The following WDR72 variants were observed in gnomAD, a reference collection of about 807,000 sequenced individuals.
WDR72 encodes WD repeat-containing protein 72.
WDR72 carries 120 observed loss-of-function variants against 124.2 expected under a neutral mutation model. That is an observed-to-expected ratio of 0.97 (90% CI 0.83 to 1.12). WDR72 has a LOEUF of 1.12. Ranked by LOEUF, WDR72 falls within the 50% of genes most tolerant of loss-of-function variation. The pLI is 0.00. For synonymous variants in WDR72, 452 were observed against 441.7 expected, an observed-to-expected ratio of 1.02 and a Z score of -0.29; for missense variants, 1,387 against 1,278.8, an observed-to-expected ratio of 1.08 and a Z score of -1.29.
intron 19 of WDR72, among the ~76,000 whole-genome samples, chr15:53,521,107 T>TAAC (rs2308015): frequency 0.015 from 2,220 of 152,234 alleles, 47 homozygotes; most frequent in African/African-American, 0.051. Context: ...GACAAGTGAC[T>TAAC]AACAAGTTTC....
intron 1 of WDR72, among the ~76,000 whole-genome samples, chr15:53,754,638 C>T (rs1034107552): frequency 1.3e-5 from 2 of 152,016 alleles, no homozygotes; most frequent in South Asian, 4.2e-4. Flanking sequence ...GGAATCGATC[C>T]AACCCATTTT....
At chr15:53,761,525 G>A (rs2019063646), upstream of WDR72, among the ~76,000 whole-genome samples, 1 of 152,158 alleles carries the variant, frequency 6.6e-6, no homozygotes, top group African/African-American at 2.4e-5. Flanking sequence ...AGGGATGGAA[G>A]GACGTTTTCC....
At chr15:53,697,737 C>G (rs2017046629) in intron 13 of WDR72, among the ~76,000 whole-genome samples, 1 of 152,200 alleles carries the variant, frequency 6.6e-6, no homozygotes, top group African/African-American at 2.4e-5. Context: ...GACTAAAATA[C>G]AGTAAATATC....
chr15:53,663,023 C>G (rs1454595994), intron 14 of WDR72, among the ~76,000 whole-genome samples: 1 of 151,318 alleles, frequency 6.6e-6, no homozygotes, highest in Admixed American at 6.6e-5. Context: ...GGGCTATGAT[C>G]GTGCCACTGC....
chr15:53,609,843 T>TACACACACACAC (rs72440914), intron 16 of WDR72, among the ~76,000 whole-genome samples: 8 of 150,114 alleles, frequency 5.3e-5, no homozygotes, highest in African/African-American at 1.7e-4. Context: ...TGTACATTTA[T>TACACACACACAC]ACACACACAC....
At chr15:53,707,598 C>A (rs963526901) in intron 9 of WDR72, among the ~76,000 whole-genome samples, 4 of 152,076 alleles carry the variant, frequency 2.6e-5, no homozygotes, top group Non-Finnish European at 5.9e-5. Flanking sequence ...AGGCGCCCGC[C>A]ACCACGCCCG....
At chr15:53,745,047 A>G (rs867496722) in intron 1 of WDR72, among the ~76,000 whole-genome samples, 3 of 150,538 alleles carry the variant, frequency 2.0e-5, no homozygotes, top group Non-Finnish European at 1.5e-5. Flanking sequence ...AAAAAAAAAA[A>G]GGGCAAGAAA....
intron 13 of WDR72, among the ~76,000 whole-genome samples, chr15:53,694,459 G>A (rs1355378657): frequency 1.3e-5 from 2 of 152,122 alleles, no homozygotes; most frequent in Non-Finnish European, 2.9e-5. Context: ...TTAGAACTAT[G>A]TGTAAATTTA....
At chr15:53,734,359 A>C (rs974675838) in intron 1 of WDR72, among the ~76,000 whole-genome samples, 3 of 152,212 alleles carry the variant, frequency 2.0e-5, no homozygotes, top group Non-Finnish European at 4.4e-5. Context: ...AAGTTTCTAC[A>C]GGAAATGTTC....
intron 14 of WDR72, among the ~76,000 whole-genome samples, chr15:53,648,075 T>A (rs560645164): frequency 5.9e-5 from 9 of 152,254 alleles, no homozygotes; most frequent in African/African-American, 2.2e-4. Context: ...CTCTGACAGA[T>A]GGCACGTCTG....
At chr15:53,681,368 T>C (rs561097712) in intron 13 of WDR72, among the ~76,000 whole-genome samples, 1 of 152,274 alleles carries the variant, frequency 6.6e-6, no homozygotes, top group African/African-American at 2.4e-5. Flanking sequence ...TCATATAAAA[T>C]GCTTGAAGAA....
At chr15:53,663,287 A>C (rs576579105) in intron 14 of WDR72, among the ~76,000 whole-genome samples, 46 of 152,166 alleles carry the variant, frequency 3.0e-4, no homozygotes, top group African/African-American at 2.9e-4. Flanking sequence ...TATAGTATGT[A>C]GGACAAAGAA....
At chr15:53,600,532 A>C (rs981593388) in intron 17 of WDR72, among the ~76,000 whole-genome samples, 2 of 152,178 alleles carry the variant, frequency 1.3e-5, no homozygotes, top group African/African-American at 2.4e-5. Context: ...TCTGGGACAT[A>C]TGCTTATTAA....
At chr15:53,744,023 G>A (rs2018580035) in intron 1 of WDR72, among the ~76,000 whole-genome samples, 1 of 151,774 alleles carries the variant, frequency 6.6e-6, no homozygotes, top group Non-Finnish European at 1.5e-5. Flanking sequence ...TCAGATCAAA[G>A]GAATACCTTC....
At position 53,648,944 on chromosome 15, in the gene WDR72, C is replaced by T. The variant is rs77482040; in HGVS notation, c.1962+16628G>A. Among the ~76,000 whole-genome samples the T allele has an allele frequency of 7.3e-3, 1,046 of 142,436 alleles. 13 individuals carry two copies. Among genetic ancestry groups the T allele is most frequent in the African/African-American group, 0.031 (987 of 32,322 alleles). The allele number at this position is 142,436 out of a possible 152,430, so 93.4% of individuals were successfully genotyped here. A position where few individuals can be genotyped will look rare whatever the true frequency, so the allele number is the denominator to read the frequency against. On this transcript the variant is annotated intron_variant, in intron 14 of 19. Transcript: ENST00000360509. The stretch of plus-strand genomic sequence containing the variant: ...AAAACCCAAAAGAGAGCTTACAAAC[C>T]AGGGCTCCCAAATTGAGCAAAACCA...
chr15:53,523,959 C>T (rs1297355356), intron 18 of WDR72, among the ~76,000 whole-genome samples: 1 of 152,016 alleles, frequency 6.6e-6, no homozygotes, highest in African/African-American at 2.4e-5. Context: ...GAAATGGAAA[C>T]TAGTACAGAA....
intron 14 of WDR72, among the ~76,000 whole-genome samples, chr15:53,656,039 T>C (rs773856981): frequency 6.6e-6 from 1 of 152,196 alleles, no homozygotes; most frequent in Non-Finnish European, 1.5e-5. Flanking sequence ...TTTTGGGCAA[T>C]ATGCGAAGAC....
At chr15:53,605,916 C>T (rs527837345) in intron 17 of WDR72, among the ~76,000 whole-genome samples, 1 of 152,200 alleles carries the variant, frequency 6.6e-6, no homozygotes, top group South Asian at 2.1e-4. Flanking sequence ...CTCTATTCTT[C>T]CTGAAGGGCC....
At chr15:53,660,782 T>C (rs1279126581) in intron 14 of WDR72, among the ~76,000 whole-genome samples, 2 of 152,190 alleles carry the variant, frequency 1.3e-5, no homozygotes, top group Non-Finnish European at 2.9e-5. Flanking sequence ...AAAGGGTGGT[T>C]TTCCAAACAC....
Sources: allele counts gnomAD v4.1 joint callset (sites outside exome capture counted in the v4.1 genomes callset), GRCh38; gene constraint gnomAD v4.1.1; transcripts MANE v1.5; gene names NCBI Gene and HGNC (gene_info 2026-07-23, HGNC 2026-07-21).